Variants in SEC16B observed in about 807,000 individuals in gnomAD.
SEC16B encodes the protein SEC16 homolog B, endoplasmic reticulum export factor.
A neutral mutation model predicts 141.8 loss-of-function variants in SEC16B; 115 were observed. That is an observed-to-expected ratio of 0.81 (90% CI 0.70 to 0.95). The LOEUF (loss-of-function observed/expected upper bound fraction) is 0.95, where lower values mean the gene tolerates loss of function less well. Ranked by LOEUF, SEC16B falls within the 40% of genes least tolerant of loss-of-function variation. The pLI, the probability that SEC16B is intolerant of heterozygous loss-of-function variation, is 0.00. For missense variants in SEC16B, 1,291 were observed against 1,312.3 expected (o/e 0.98, Z 0.25); for synonymous variants, 493 against 492.5 (o/e 1.00, Z -0.01).
At chr1:177,960,657 A>G (rs1652986212) in intron 7 of SEC16B, 134 bp downstream of exon 7, 2 of 966,992 alleles carry the variant, frequency 2.1e-6, no homozygotes, top group African/African-American at 1.7e-5. Flanking sequence ...CAGGGGGTAC[A>G]TGGCCCAGTT....
intron 7 of SEC16B, 110 bp downstream of exon 7, chr1:177,960,681 T>A: frequency 1.6e-6 from 2 of 1,240,980 alleles, no homozygotes; most frequent in South Asian, 1.5e-5. Flanking sequence ...CGCAAGAGCA[T>A]CCCATTCCTG....
chr1:177,931,636 C>T (rs1262878309), intron 24 of SEC16B, among the ~76,000 whole-genome samples: 1 of 152,158 alleles, frequency 6.6e-6, no homozygotes, highest in Non-Finnish European at 1.5e-5. Context: ...CTCAGGGAAT[C>T]TCAAGCAAGC....
At chr1:177,937,575 A>C (rs1650951602) in intron 18 of SEC16B, 62 bp from the exon 19 acceptor site, 2 of 1,324,010 alleles carry the variant, frequency 1.5e-6, no homozygotes, top group Non-Finnish European at 2.0e-6. Context: ...CATACTGATC[A>C]CACCAGAAAC....
intron 1 of SEC16B, among the ~76,000 whole-genome samples, chr1:177,977,124 G>C (rs914443156): frequency 1.1e-4 from 17 of 152,128 alleles, no homozygotes; most frequent in Non-Finnish European, 2.1e-4. Flanking sequence ...GATGAAGCAT[G>C]ATACTTCAAA....
At chr1:177,960,520 G>A in intron 7 of SEC16B, 117 bp from the exon 8 acceptor site, 1 of 772,092 alleles carries the variant, frequency 1.3e-6, no homozygotes. Flanking sequence ...AAGGCCTTGT[G>A]GAGAAAGCAG....
At chr1:177,940,470 C>T (rs1651193910) in intron 17 of SEC16B, 140 bp downstream of exon 17, 1 of 600,936 alleles carries the variant, frequency 1.7e-6, no homozygotes, top group Non-Finnish European at 3.0e-6. Context: ...AACTGTGCCT[C>T]ATGGGTGATG....
chr1:177,948,675 A>C, intron 12 of SEC16B: 1 of 1,266,194 alleles, frequency 7.9e-7, no homozygotes, highest in Non-Finnish European at 1.0e-6. Context: ...AGAAAATATC[A>C]ATAAAGAAAC....
chr1:177,964,754 C>A (rs1653376626), intron 4 of SEC16B, among the ~76,000 whole-genome samples: 1 of 152,194 alleles, frequency 6.6e-6, no homozygotes, highest in East Asian at 1.9e-4. Context: ...CATATCTGTT[C>A]TAAGGCCAAC....
At chr1:177,936,571 T>C (rs1650861613) in intron 19 of SEC16B, among the ~76,000 whole-genome samples, 1 of 152,154 alleles carries the variant, frequency 6.6e-6, no homozygotes, top group Non-Finnish European at 1.5e-5. Context: ...GTTCAACTCA[T>C]CCTCTACTTC....
intron 1 of SEC16B, among the ~76,000 whole-genome samples, chr1:177,983,421 T>C (rs1256230406): frequency 1.3e-5 from 2 of 151,648 alleles, no homozygotes; most frequent in East Asian, 1.9e-4. Flanking sequence ...GAGGTGACAA[T>C]CAAAAATATC....
intron 1 of SEC16B, among the ~76,000 whole-genome samples, chr1:177,982,137 A>G (rs1416292931): frequency 6.6e-6 from 1 of 152,188 alleles, no homozygotes; most frequent in Admixed American, 6.5e-5. Flanking sequence ...ATCAAATTAC[A>G]TAAGAACTCA....
At chr1:177,951,857 C>G (rs556986001) in intron 12 of SEC16B, 57 bp downstream of exon 12, 1 of 1,420,520 alleles carries the variant, frequency 7.0e-7, no homozygotes, top group Non-Finnish European at 9.7e-7. Context: ...GAGCAGTCCC[C>G]GCCCCCTCAA....
intron 14 of SEC16B, among the ~76,000 whole-genome samples, chr1:177,944,896 G>T (rs988098108): frequency 2.0e-5 from 3 of 152,134 alleles, no homozygotes; most frequent in African/African-American, 7.2e-5. Flanking sequence ...ACAGAACTCT[G>T]CACCAGAGGC....
chr1:177,958,186 T>C lies in SEC16B; in HGVS notation c.1311A>G (p.Thr437=). 1 of 1,595,254 alleles carries C rather than the reference T, an allele frequency of 6.3e-7. No individual in the cohort carries two copies. Among genetic ancestry groups the C allele is most frequent in the Non-Finnish European group, 8.5e-7 (1 of 1,170,034 alleles). Reference sequence around the variant, plus strand: ...TGAATTTCTCCACGATCTGCGCAGGTGTCTCCACACTGGGGGGGATCTCTC... The same window carrying C: ...TGAATTTCTCCACGATCTGCGCAGGCGTCTCCACACTGGGGGGGATCTCTC... ...LTGEIPPSVE[T]PAQIVEKFTR... is the part of the protein sequence containing the mutation. Residue 437 remains threonine, a synonymous_variant, in exon 10 of 26, where the codon ACA becomes ACG. Coordinates refer to ENST00000308284, the MANE Select transcript of SEC16B (RefSeq NM_033127.4).
intron 24 of SEC16B, 127 bp from the exon 25 acceptor site, chr1:177,930,770 A>G (rs1398272018): frequency 1.6e-6 from 1 of 635,120 alleles, no homozygotes; most frequent in East Asian, 2.8e-5. Flanking sequence ...TTCCTTATCG[A>G]CTCTCCAAAG....
At position 177,944,587 on chromosome 1, in the gene SEC16B, G is replaced by C. The variant is rs1270414504; in HGVS notation, c.1855C>G (p.Pro619Ala). 2 of 1,613,776 alleles carry C rather than the reference G, an allele frequency of 1.2e-6. No individual in the cohort carries two copies. Among genetic ancestry groups the C allele is most frequent in the South Asian group, 1.1e-5 (1 of 91,044 alleles). The change falls in exon 15 of 26, where the codon CCC becomes GCC. Residue 619 changes from proline (P) to alanine (A), a missense_variant. Physicochemically the swap from Pro to Ala is conservative, Grantham distance 27 (BLOSUM62 -1). Around this residue, in one of 3 missense-constraint regions of SEC16B, gnomAD observed 605 missense variants for 614.1 expected, o/e 0.99. Coordinates refer to ENST00000308284, the MANE Select transcript of SEC16B (RefSeq NM_033127.4). The part of the protein sequence containing the change: ...IFEYCQMLGR[P>A]KSFIPSFQVY... ...TGGAAAGAAGGGATGAAGGATTTGG[G>C]GCGGCCCAGCATCTGACAGTACTCG...
At chr1:177,931,049 T>C (rs978242204) in intron 24 of SEC16B, among the ~76,000 whole-genome samples, 1 of 152,224 alleles carries the variant, frequency 6.6e-6, no homozygotes, top group African/African-American at 2.4e-5. Context: ...AGAACTACCA[T>C]TTGATCCAGC....
intron 12 of SEC16B, chr1:177,948,474 T>C (rs1651911660): frequency 7.7e-7 from 1 of 1,304,112 alleles, no homozygotes; most frequent in Non-Finnish European, 1.0e-6. Flanking sequence ...GTCTAGTTCC[T>C]ACTGCCACTT....
rs1653854648 is a variant in SEC16B at position 177,970,004 on chromosome 1, C to A, written c.-179G>T. Reference sequence around the variant, plus strand: ...CCACATCTACCAAGACTCCCCAGGCCCTCAGATCTACATCATGTCAGTTAC... The same window carrying A: ...CCACATCTACCAAGACTCCCCAGGCACTCAGATCTACATCATGTCAGTTAC... On this transcript the variant is annotated 5_prime_UTR_variant, in exon 1 of 26. Transcript: ENST00000308284. The A allele has an allele frequency of 6.6e-6, 1 of 152,094 alleles. No individual in the cohort carries two copies. Among genetic ancestry groups the A allele is most frequent in the Non-Finnish European group, 1.5e-5 (1 of 68,136 alleles). The allele number at this position is 152,094 out of a possible 1,614,324, so 9.4% of individuals were successfully genotyped here.
Sources: allele counts gnomAD v4.1 joint callset (sites outside exome capture counted in the v4.1 genomes callset), GRCh38; gene constraint gnomAD v4.1.1; regional missense constraint gnomAD v4.1.1; transcripts MANE v1.5; gene names NCBI Gene and HGNC (gene_info 2026-07-23, HGNC 2026-07-21).